The following FAT3 variants were observed in gnomAD, a reference collection of about 807,000 sequenced individuals.
FAT3 encodes the protein protocadherin Fat 3.
Under a neutral mutation model 310.2 loss-of-function variants are expected in FAT3, and 95 were observed. The observed-to-expected ratio is 0.31, with a 90% confidence interval of 0.26 to 0.36. FAT3 has a LOEUF of 0.36. Among genes scored for constraint, FAT3 ranks in the 10% least tolerant of loss-of-function variants. The pLI is 1.00. For missense variants in FAT3, 5,408 were observed against 5,715.6 expected, an observed-to-expected ratio of 0.95 and a Z score of 1.74; for synonymous variants, 2,314 against 2,192.9, an observed-to-expected ratio of 1.06 and a Z score of -1.54.
chr11:92,660,653 A>G, intron 3 of FAT3, among the ~76,000 whole-genome samples: 1 of 152,332 alleles, frequency 6.6e-6, no homozygotes, highest in Non-Finnish European at 1.5e-5. Context: ...TATGATGTCA[A>G]AAAGAAAACA....
At chr11:92,783,357 CAA>C (rs35357267) in intron 7 of FAT3, among the ~76,000 whole-genome samples, 2 of 45,064 alleles carry the variant, frequency 4.4e-5, no homozygotes, top group African/African-American at 2.0e-4. Flanking sequence ...GACTCCATCT[CAA>C]AAAAAAAAAA....
At chr11:92,834,791 G>T (rs1184145897) in intron 14 of FAT3, 79 bp from the exon 15 acceptor site, 2 of 1,255,884 alleles carry the variant, frequency 1.6e-6, no homozygotes, top group Non-Finnish European at 2.2e-6. Context: ...GAGGATGTTA[G>T]AAATATTACC....
chr11:92,296,618 TG>T (rs200522009), intron 1 of FAT3, among the ~76,000 whole-genome samples: 2,478 of 152,184 alleles, frequency 0.016, 68 homozygotes, highest in African/African-American at 0.056. Context: ...GTCTGTTTCA[TG>T]GGTTTTTGAC....
chr11:92,850,648 ATGT>A (rs1948803197), intron 19 of FAT3, among the ~76,000 whole-genome samples: 1 of 152,208 alleles, frequency 6.6e-6, no homozygotes, highest in Non-Finnish European at 1.5e-5. Context: ...AGGGCATGGG[ATGT>A]TTACCATTAG....
chr11:92,753,811 G>A (rs1327312930), intron 4 of FAT3, among the ~76,000 whole-genome samples: 1 of 99,930 alleles, frequency 1.0e-5, no homozygotes, highest in East Asian at 3.2e-4. Context: ...TATATATATG[G>A]TGGAATACTA....
intron 3 of FAT3, among the ~76,000 whole-genome samples, chr11:92,557,050 A>T (rs1329041915): frequency 6.6e-6 from 1 of 151,774 alleles, no homozygotes; most frequent in African/African-American, 2.4e-5. Context: ...CTGCTTGGCA[A>T]ACCCATTTTT....
intron 4 of FAT3, among the ~76,000 whole-genome samples, chr11:92,701,574 G>A (rs1236160038): frequency 6.6e-6 from 1 of 152,152 alleles, no homozygotes; most frequent in Non-Finnish European, 1.5e-5. Flanking sequence ...ATATTGGCCT[G>A]ATCTTCTCTT....
At chr11:92,498,949 A>G (rs890093804) in intron 2 of FAT3, 4 of 152,156 alleles carry the variant, frequency 2.6e-5, no homozygotes, top group African/African-American at 9.7e-5. Flanking sequence ...CTGCTCAGAG[A>G]GCCAAAAGGC....
intron 1 of FAT3, among the ~76,000 whole-genome samples, chr11:92,257,817 T>C (rs1038054039): frequency 2.6e-5 from 4 of 152,260 alleles, no homozygotes; most frequent in Admixed American, 6.5e-5. Context: ...TATAACCTAA[T>C]TATGATTGAG....
At chr11:92,234,367 G>A (rs72968333) in intron 1 of FAT3, among the ~76,000 whole-genome samples, 4,802 of 152,246 alleles carry the variant, frequency 0.032, 120 homozygotes, top group South Asian at 0.053. Context: ...CTGCTTTGAC[G>A]AGAAGTGGCA....
At chr11:92,890,245 C>T (rs779513364) in intron 27 of FAT3, among the ~76,000 whole-genome samples, 25 of 152,166 alleles carry the variant, frequency 1.6e-4, no homozygotes, top group Non-Finnish European at 3.4e-4. Flanking sequence ...GGCGTGCCCT[C>T]GCTCTTCGTC....
intron 3 of FAT3, among the ~76,000 whole-genome samples, chr11:92,537,819 T>C (rs1255508591): frequency 6.6e-6 from 1 of 152,174 alleles, no homozygotes; most frequent in Non-Finnish European, 1.5e-5. Context: ...AGACTCTAAC[T>C]GGATCCCCAG....
At chr11:92,794,673 A>G (rs1422442579) in intron 9 of FAT3, among the ~76,000 whole-genome samples, 4 of 152,238 alleles carry the variant, frequency 2.6e-5, no homozygotes, top group Non-Finnish European at 5.9e-5. Context: ...CAGAACAGTT[A>G]TTTCCTTAAA....
At chr11:92,820,371 G>A (rs918757279) in intron 13 of FAT3, among the ~76,000 whole-genome samples, 2 of 152,018 alleles carry the variant, frequency 1.3e-5, no homozygotes, top group Admixed American at 1.3e-4. Context: ...TATCACATTA[G>A]GACCCCACCC....
intron 4 of FAT3, among the ~76,000 whole-genome samples, chr11:92,741,644 A>T (rs1945514147): frequency 6.6e-6 from 1 of 152,202 alleles, no homozygotes; most frequent in Admixed American, 6.5e-5. Context: ...TACGGAGTTG[A>T]TCTTTATTTA....
chr11:92,272,344 A>G (rs952459342), intron 1 of FAT3, among the ~76,000 whole-genome samples: 5 of 152,158 alleles, frequency 3.3e-5, no homozygotes, highest in African/African-American at 1.2e-4. Flanking sequence ...CTGTTCCAGC[A>G]TAAACTTTGC....
intron 2 of FAT3, among the ~76,000 whole-genome samples, chr11:92,365,927 C>G (rs977605885): frequency 6.6e-6 from 1 of 152,242 alleles, no homozygotes; most frequent in African/African-American, 2.4e-5. Context: ...TTTATATACA[C>G]TATACTTCTA....
At chr11:92,261,381 G>A (rs951666883) in intron 1 of FAT3, among the ~76,000 whole-genome samples, 2 of 152,054 alleles carry the variant, frequency 1.3e-5, no homozygotes, top group African/African-American at 4.8e-5. Flanking sequence ...ATTGTTTGTA[G>A]ACTGAATGAA....
intron 3 of FAT3, among the ~76,000 whole-genome samples, chr11:92,576,287 G>A (rs1316924548): frequency 6.6e-6 from 1 of 152,066 alleles, no homozygotes; most frequent in Admixed American, 6.6e-5. Flanking sequence ...TACTTCGTTG[G>A]GTTTTAATTA....
Sources: gnomAD v4.1 joint callset for allele counts (sites outside exome capture counted in the v4.1 genomes callset) on GRCh38, gnomAD v4.1.1 for gene constraint, MANE v1.5 for transcripts, NCBI Gene and HGNC (gene_info 2026-07-23, HGNC 2026-07-21) for gene names.